The following ASIC2 variants were observed in gnomAD, a reference collection of about 807,000 sequenced individuals.
ASIC2 encodes the protein acid sensing ion channel subunit 2.
ASIC2 carries 25 observed loss-of-function variants against 57.3 expected under a neutral mutation model. The ratio of observed to expected loss-of-function variants is 0.44; its 90% CI spans 0.32 to 0.61. The LOEUF is 0.61. Ranked by LOEUF, ASIC2 falls within the 20% of genes least tolerant of loss-of-function variation. The probability of loss-of-function intolerance (pLI) is 0.06; values close to 1 mark genes in which losing one functional copy is unlikely to be tolerated. For missense variants in ASIC2, 641 were observed against 738.1 expected, an observed-to-expected ratio of 0.87 and a Z score of 1.52; for synonymous variants, 319 against 307.5, an observed-to-expected ratio of 1.04 and a Z score of -0.39.
intron 1 of ASIC2, among the ~76,000 whole-genome samples, chr17:33,728,097 C>T (rs1909621420): frequency 6.6e-6 from 1 of 152,154 alleles, no homozygotes; most frequent in African/African-American, 2.4e-5. Flanking sequence ...GCCAATTCTG[C>T]ACCTCAAGTC....
At chr17:34,039,078 T>C in intron 1 of ASIC2, 1 of 1,614,124 alleles carries the variant, frequency 6.2e-7, no homozygotes, top group East Asian at 2.2e-5. Context: ...TTGTCACACA[T>C]CTATTTAATC....
chr17:33,576,210 C>T (rs906957507), intron 1 of ASIC2, among the ~76,000 whole-genome samples: 18 of 152,272 alleles, frequency 1.2e-4, no homozygotes, highest in African/African-American at 4.3e-4. Flanking sequence ...ATGACTAGAT[C>T]GTGCCCCTGA....
intron 1 of ASIC2, among the ~76,000 whole-genome samples, chr17:33,988,279 T>C (rs1011018817): frequency 3.9e-5 from 6 of 152,226 alleles, no homozygotes; most frequent in African/African-American, 1.4e-4. Context: ...AGTCCCTTTA[T>C]TACCTCCTTG....
At chr17:33,387,552 C>T (rs1042442719) in intron 1 of ASIC2, among the ~76,000 whole-genome samples, 1 of 152,238 alleles carries the variant, frequency 6.6e-6, no homozygotes, top group Non-Finnish European at 1.5e-5. Context: ...GTAGGCTGAG[C>T]AATTCTGCGC....
intron 1 of ASIC2, among the ~76,000 whole-genome samples, chr17:33,657,167 G>C (rs182427600): frequency 1.3e-4 from 20 of 152,258 alleles, no homozygotes; most frequent in African/African-American, 4.6e-4. Flanking sequence ...CCTTACGAAC[G>C]ACACTTGCTG....
At chr17:33,526,287 A>G (rs1914883196) in intron 1 of ASIC2, among the ~76,000 whole-genome samples, 1 of 152,142 alleles carries the variant, frequency 6.6e-6, no homozygotes, top group African/African-American at 2.4e-5. Flanking sequence ...GCAGCAGAGG[A>G]TGAAACCCCA....
At position 33,538,102 on chromosome 17, in the gene ASIC2, G is replaced by A. The variant is rs147320811; in HGVS notation, c.556-426035C>T. ...GAGTAAAATGCTTGGCATGCAGTAA[G>A]TGTTCAATAAATGCTTAGTAACTGC... On this transcript the variant is annotated intron_variant, in intron 1 of 9. Coordinates refer to the ASIC2 transcript ENST00000359872. Among the ~76,000 whole-genome samples the A allele has an allele frequency of 3.8e-3, 585 of 152,272 alleles. 4 individuals carry two copies. The highest frequency in any genetic ancestry group is 0.013 in the African/African-American group (547 of 41,544).
At chr17:33,149,336 C>T (rs891235919) in intron 1 of ASIC2, among the ~76,000 whole-genome samples, 1 of 152,068 alleles carries the variant, frequency 6.6e-6, no homozygotes, top group Non-Finnish European at 1.5e-5. Context: ...TTTTATTTGG[C>T]ATTAAAACAT....
Position 33,424,846 on chromosome 17 carries a change from C to T in ASIC2, c.556-312779G>A, listed in dbSNP as rs573873730. On this transcript the variant is annotated intron_variant, in intron 1 of 9. Transcript: ENST00000359872. ...CATACCTGACCCTGTCTCCTAGGGGCGGGCCAGGATCTCAGTCCTCTCTCC... is the reference window on the plus strand; with the variant it reads ...CATACCTGACCCTGTCTCCTAGGGGTGGGCCAGGATCTCAGTCCTCTCTCC... Among the ~76,000 whole-genome samples, 17 of 152,270 alleles carry T rather than the reference C, an allele frequency of 1.1e-4. No homozygotes were observed. In the South Asian group the frequency reaches 3.5e-3, roughly 32 times the overall value.
intron 3 of ASIC2, among the ~76,000 whole-genome samples, chr17:33,039,369 G>T (rs564494236): frequency 6.6e-6 from 1 of 152,122 alleles, no homozygotes; most frequent in African/African-American, 2.4e-5. Flanking sequence ...TCACTGACCC[G>T]TGTGTCTGAG....
intron 1 of ASIC2, among the ~76,000 whole-genome samples, chr17:33,779,655 T>C (rs1465745411): frequency 6.6e-6 from 1 of 152,134 alleles, no homozygotes; most frequent in Non-Finnish European, 1.5e-5. Flanking sequence ...CAGAAAGTTC[T>C]ATATCCTGAA....
intron 1 of ASIC2, among the ~76,000 whole-genome samples, chr17:33,909,537 G>C (rs1216569941): frequency 2.0e-5 from 3 of 152,116 alleles, no homozygotes; most frequent in Admixed American, 6.5e-5. Flanking sequence ...CCATAGGCTG[G>C]GGGGAGGCAA....
chr17:33,799,435 T>TTTCTTTCTTCC (rs1555562518), intron 1 of ASIC2, among the ~76,000 whole-genome samples: 11 of 42,980 alleles, frequency 2.6e-4, no homozygotes, highest in African/African-American at 9.6e-4. Flanking sequence ...TTCTTCTTTC[T>TTTCTTTCTTCC]TTCTTTCTTT....
At chr17:33,853,396 C>G (rs544871086) in intron 1 of ASIC2, among the ~76,000 whole-genome samples, 1 of 152,140 alleles carries the variant, frequency 6.6e-6, no homozygotes, top group African/African-American at 2.4e-5. Context: ...GTGCTGGGCA[C>G]ACATGCATTG....
intron 1 of ASIC2, among the ~76,000 whole-genome samples, chr17:33,370,052 T>C (rs111364806): frequency 2.0e-5 from 3 of 152,308 alleles, no homozygotes; most frequent in African/African-American, 4.8e-5. Flanking sequence ...CAACCAATGA[T>C]GTGGCTGAGA....
chr17:33,415,137 CCTCT>C (rs1051543537), intron 1 of ASIC2, among the ~76,000 whole-genome samples: 1 of 151,830 alleles, frequency 6.6e-6, no homozygotes, highest in African/African-American at 2.4e-5. Context: ...AGTCACTTAC[CCTCT>C]CTAAGTTTTG....
intron 1 of ASIC2, chr17:34,039,786 T>C (rs1185639534): frequency 1.9e-6 from 3 of 1,611,188 alleles, no homozygotes; most frequent in African/African-American, 1.3e-5. Context: ...CACTATTAAG[T>C]GGTCCCTTAC....
chr17:33,784,547 A>G (rs553726889), intron 1 of ASIC2, among the ~76,000 whole-genome samples: 5 of 152,344 alleles, frequency 3.3e-5, no homozygotes, highest in African/African-American at 1.2e-4. Context: ...AAGGAAAGAG[A>G]TGTAAAAAGA....
chr17:33,975,257 C>A (rs994099136), intron 1 of ASIC2, among the ~76,000 whole-genome samples: 3 of 152,172 alleles, frequency 2.0e-5, no homozygotes, highest in Admixed American at 1.3e-4. Context: ...TATGGGATGG[C>A]AAAGCCTGAA....
Sources: allele counts gnomAD v4.1 joint callset (sites outside exome capture counted in the v4.1 genomes callset), GRCh38; gene constraint gnomAD v4.1.1; transcripts MANE v1.5; gene names NCBI Gene and HGNC (gene_info 2026-07-23, HGNC 2026-07-21).